Variants in CDC16 observed in about 807,000 individuals in gnomAD.
CDC16 encodes the protein cell division cycle protein 16 homolog.
Under a neutral mutation model 87.0 loss-of-function variants are expected in CDC16, and 34 were observed. The ratio of observed to expected loss-of-function variants is 0.39; its 90% CI spans 0.30 to 0.52. CDC16 has a LOEUF of 0.52. Among genes scored for constraint, CDC16 ranks in the 20% least tolerant of loss-of-function variants. The pLI, the probability that CDC16 is intolerant of heterozygous loss-of-function variation, is 0.74. For synonymous variants in CDC16, 263 were observed against 260.6 expected (o/e 1.01, Z -0.09); for missense variants, 653 against 751.9 (o/e 0.87, Z 1.54).
At chr13:114,239,522 G>A (rs753246913) in intron 5 of CDC16, 32 bp downstream of exon 5, 28 of 1,497,804 alleles carry the variant, frequency 1.9e-5, no homozygotes, top group Admixed American at 7.7e-5. Context: ...GCTCAGTAAC[G>A]GCGGCGAGAA....
intron 17 of CDC16, among the ~76,000 whole-genome samples, chr13:114,270,415 C>T (rs543094019): frequency 4.6e-5 from 7 of 152,316 alleles, no homozygotes; most frequent in African/African-American, 1.7e-4. Flanking sequence ...CCAGGCCCCA[C>T]CTCCAACATT....
Position 114,236,784 on chromosome 13 carries a change from A to G in CDC16, c.104-15A>G. Reference sequence around the variant, plus strand: ...CCTTGTACCTCTGACCACTTATGTGAATTTTTCCCTCCAGAAGAACCCCAG... The same window carrying G: ...CCTTGTACCTCTGACCACTTATGTGGATTTTTCCCTCCAGAAGAACCCCAG... On this transcript the variant is annotated splice_polypyrimidine_tract_variant and intron_variant, in intron 2 of 17. Coordinates refer to ENST00000356221, the MANE Select transcript of CDC16 (RefSeq NM_001078645.3). 1 of 1,613,020 alleles carries G rather than the reference A, an allele frequency of 6.2e-7. No homozygotes were observed. Among genetic ancestry groups the G allele is most frequent in the East Asian group, 2.2e-5 (1 of 44,864 alleles).
At chr13:114,270,964 C>G (rs1032923957) in intron 17 of CDC16, among the ~76,000 whole-genome samples, 1 of 147,732 alleles carries the variant, frequency 6.8e-6, no homozygotes, top group Non-Finnish European at 1.5e-5. Flanking sequence ...CTCTGTCACC[C>G]AGGCTGGAGT....
Position 114,272,666 on chromosome 13 carries a change from G to A in CDC16, c.*223G>A, listed in dbSNP as rs2083761629. ...AGTTATACATAGTGGAATAAAGAAG[G>A]TAAACCATCTGTTATGTCTTTTTTT... On this transcript the variant is annotated 3_prime_UTR_variant, in exon 18 of 18. Transcript: ENST00000356221. 5 of 406,592 alleles carry A rather than the reference G, an allele frequency of 1.2e-5. No individual in the cohort carries two copies. The South Asian group carries it at 3.0e-4, about 24-fold the overall frequency. 25.2% of individuals were successfully genotyped at this position (406,592 alleles called of 1,614,324 possible).
rs560832091 is a variant in CDC16 at position 114,263,386 on chromosome 13, T to C, written c.1512+372T>C. On this transcript the variant is annotated intron_variant, in intron 16 of 17. Transcript: ENST00000356221. ...ATGAACAAAACAGTCTCTGCAGTCA[T>C]CACAAGGAAAGAACCTTTCATTAAT... 1.8e-4 allele frequency among the ~76,000 whole-genome samples: 27 copies of C among 152,284 alleles called. No homozygotes were observed. In the South Asian group the frequency reaches 5.4e-3, roughly 30 times the overall value.
chr13:114,240,985 A>G (rs532721992), intron 5 of CDC16, among the ~76,000 whole-genome samples: 5 of 152,362 alleles, frequency 3.3e-5, no homozygotes, highest in South Asian at 2.1e-4. Context: ...GAAGACTCTC[A>G]TAATTCATTA....
intron 15 of CDC16, among the ~76,000 whole-genome samples, chr13:114,262,243 A>G (rs1368643174): frequency 6.6e-6 from 1 of 152,204 alleles, no homozygotes; most frequent in Non-Finnish European, 1.5e-5. Context: ...GTTTTCTGCT[A>G]GAGGTTTTGT....
At chr13:114,251,420 G>C (rs2082169794) in intron 12 of CDC16, among the ~76,000 whole-genome samples, 1 of 152,224 alleles carries the variant, frequency 6.6e-6, no homozygotes, top group African/African-American at 2.4e-5. Flanking sequence ...AGACTTTGAA[G>C]AGTGTCTTAC....
At position 114,242,227 on chromosome 13, in the gene CDC16, G is replaced by C; in HGVS notation, c.488G>C (p.Cys163Ser). The C allele has an allele frequency of 6.2e-7, 1 of 1,614,174 alleles. No individual in the cohort carries two copies. The highest frequency in any genetic ancestry group is 8.5e-7 in the Non-Finnish European group (1 of 1,180,016). ...YKEALKLDVY[C>S]FEAFDLLTSH... is the part of the protein sequence containing the mutation. The stretch of plus-strand genomic sequence containing the variant: ...GAAGCTTTGAAGCTTGATGTCTACT[G>C]TTTTGAAGCGTTCGATCTTTTAACA... Residue 163 changes from cysteine (C) to serine (S), a missense_variant, in exon 6 of 18, where the codon TGT becomes TCT. Coordinates refer to ENST00000356221, the MANE Select transcript of CDC16 (RefSeq NM_001078645.3).
chr13:114,263,871 C>G (rs1025838444), intron 16 of CDC16, among the ~76,000 whole-genome samples: 5 of 152,186 alleles, frequency 3.3e-5, no homozygotes, highest in Non-Finnish European at 7.3e-5. Flanking sequence ...ACATAACCAC[C>G]AAGTTCACGC....
chr13:114,269,330 C>T (rs964340701), intron 17 of CDC16, among the ~76,000 whole-genome samples: 2 of 152,120 alleles, frequency 1.3e-5, no homozygotes, highest in African/African-American at 4.8e-5. Context: ...ACTTCCGTCA[C>T]GTTCTGTTCC....
At chr13:114,236,371 C>T (rs1011228550) in intron 1 of CDC16, among the ~76,000 whole-genome samples, 10 of 152,114 alleles carry the variant, frequency 6.6e-5, no homozygotes, top group African/African-American at 1.9e-4. Context: ...GTATGTTTCA[C>T]GATACATTTT....
intron 1 of CDC16, among the ~76,000 whole-genome samples, chr13:114,235,357 G>A (rs958492751): frequency 3.3e-5 from 5 of 152,236 alleles, no homozygotes; most frequent in Non-Finnish European, 7.4e-5. Context: ...CGAGCGCACG[G>A]GGCGCCTCAG....
At position 114,235,043 on chromosome 13, in the gene CDC16, G is replaced by A. The variant is rs11554303; in HGVS notation, c.-42G>A. On this transcript the variant is annotated 5_prime_UTR_variant, in exon 1 of 18. Coordinates refer to ENST00000356221, the MANE Select transcript of CDC16 (RefSeq NM_001078645.3). ...GGTGCTTAGGGTGCAGGAGGCGCGCGCCTAGCGGCGGAGTGTGGCGTGAGG... is the reference window on the plus strand; with the variant it reads ...GGTGCTTAGGGTGCAGGAGGCGCGCACCTAGCGGCGGAGTGTGGCGTGAGG... 3 of 1,246,316 alleles carry A rather than the reference G, an allele frequency of 2.4e-6. No homozygotes were observed. The highest frequency in any genetic ancestry group is 3.4e-5 in the South Asian group (1 of 29,370). 77.2% of individuals were successfully genotyped at this position (1,246,316 alleles called of 1,614,324 possible).
At chr13:114,264,977 A>T in intron 16 of CDC16, 173 bp from the exon 17 acceptor site, 1 of 561,964 alleles carries the variant, frequency 1.8e-6, no homozygotes, top group Non-Finnish European at 3.2e-6. Context: ...TAGTGTGATG[A>T]ACCTCCATGA....
In CDC16 at chr13:114,265,320, C is replaced by T. The variant is rs923041852; in HGVS notation, c.1603+80C>T. The T allele has an allele frequency of 1.4e-5, 13 of 903,562 alleles. No individual in the cohort carries two copies. The African/African-American group carries it at 2.0e-4, about 14-fold the overall frequency. 56.0% of individuals were successfully genotyped at this position (903,562 alleles called of 1,614,324 possible). On this transcript the variant is annotated intron_variant, in intron 17 of 17. Coordinates refer to ENST00000356221, the MANE Select transcript of CDC16 (RefSeq NM_001078645.3). ...TGTCTCTGTTTATGTTTCTCATATT[C>T]TCGTCTGAGGTTCCAAGTTCATCTT...
At chr13:114,254,099 G>C (rs1046684781) in intron 12 of CDC16, among the ~76,000 whole-genome samples, 4 of 151,988 alleles carry the variant, frequency 2.6e-5, no homozygotes, top group African/African-American at 9.7e-5. Flanking sequence ...TTCATCTGAT[G>C]TTACTGTAGG....
At chr13:114,265,759 T>C (rs963004260) in intron 17 of CDC16, among the ~76,000 whole-genome samples, 7 of 152,154 alleles carry the variant, frequency 4.6e-5, no homozygotes, top group African/African-American at 1.7e-4. Context: ...TGTGGTGAGG[T>C]TATTGAGATC....
chr13:114,261,982 T>G (rs990061290), intron 15 of CDC16, 34 bp downstream of exon 15: 1 of 1,367,950 alleles, frequency 7.3e-7, no homozygotes, highest in African/African-American at 1.4e-5. Flanking sequence ...GAAATATACT[T>G]TGTGTCTCAA....
Sources: gnomAD v4.1 joint callset for allele counts (sites outside exome capture counted in the v4.1 genomes callset) on GRCh38, gnomAD v4.1.1 for gene constraint, MANE v1.5 for transcripts, NCBI Gene and HGNC (gene_info 2026-07-23, HGNC 2026-07-21) for gene names.